Variants in SNX30 observed in about 807,000 individuals in gnomAD.
SNX30 encodes the protein sorting nexin family member 30.
In SNX30, 24 loss-of-function variants were observed where a neutral mutation model predicts 46.4. The ratio of observed to expected loss-of-function variants is 0.52; its 90% confidence interval spans 0.37 to 0.73. SNX30 has a LOEUF of 0.73. SNX30 is among the 30% of genes least tolerant of loss of function. SNX30 has a pLI of 0.00. For missense variants in SNX30, 533 were observed against 555.7 expected, an observed-to-expected ratio of 0.96 and a Z score of 0.41; for synonymous variants, 189 against 211.5, an observed-to-expected ratio of 0.89 and a Z score of 0.92.
In SNX30 at chr9:112,833,740, G is replaced by A. The variant is rs530508700; in HGVS notation, c.619-2474G>A. Among the ~76,000 whole-genome samples the A allele has an allele frequency of 9.8e-5, 15 of 152,310 alleles. No homozygotes were observed. In the South Asian group the frequency reaches 1.7e-3, roughly 17 times the overall value. ...AGCCCATTTGACTCTAGTCCCACTC[G>A]TAAAAACGCTGTCTGCAGAGGTAAT... On this transcript the variant is annotated intron_variant, in intron 4 of 8. Transcript: ENST00000374232.
At chr9:112,835,458 A>G (rs1157188143) in intron 4 of SNX30, among the ~76,000 whole-genome samples, 8 of 149,816 alleles carry the variant, frequency 5.3e-5, no homozygotes, top group Admixed American at 5.3e-4. Context: ...GGTGCATGCC[A>G]CCATGCCCAA....
intron 8 of SNX30, among the ~76,000 whole-genome samples, chr9:112,865,655 AT>A (rs1841318867): frequency 1.1e-5 from 1 of 89,426 alleles, no homozygotes; most frequent in Admixed American, 1.0e-4. Flanking sequence ...ATATATATAT[AT>A]ATATATGTAT....
intron 1 of SNX30, among the ~76,000 whole-genome samples, chr9:112,770,111 G>A (rs1839621722): frequency 6.6e-6 from 1 of 152,040 alleles, no homozygotes; most frequent in Admixed American, 6.6e-5. Flanking sequence ...CAACCGGAGG[G>A]ATTATTTAAA....
chr9:112,809,765 G>T (rs1440042780), intron 2 of SNX30, among the ~76,000 whole-genome samples: 3 of 152,122 alleles, frequency 2.0e-5, no homozygotes, highest in African/African-American at 7.2e-5. Context: ...GTGGGTTAGA[G>T]TGAGCGAGGG....
At chr9:112,849,462 C>G (rs940198845) in intron 6 of SNX30, among the ~76,000 whole-genome samples, 1 of 152,166 alleles carries the variant, frequency 6.6e-6, no homozygotes, top group Non-Finnish European at 1.5e-5. Context: ...TAAAACGTTT[C>G]CATTATAGCA....
At chr9:112,859,834 A>G (rs1246555232) in intron 7 of SNX30, among the ~76,000 whole-genome samples, 2 of 151,718 alleles carry the variant, frequency 1.3e-5, no homozygotes, top group East Asian at 3.9e-4. Flanking sequence ...ATTTTTTTTA[A>G]TAGTAGCCAT....
At chr9:112,811,933 A>G (rs1840326589) in intron 2 of SNX30, among the ~76,000 whole-genome samples, 1 of 152,234 alleles carries the variant, frequency 6.6e-6, no homozygotes, top group Non-Finnish European at 1.5e-5. Flanking sequence ...AAAATTTACT[A>G]CAAACTTATC....
chr9:112,830,866 A>G lies in SNX30; in HGVS notation c.601A>G (p.Ile201Val). ...PVLSFNEHFN[I>V]FLTAKDLNAY... ...GCTGTCTTTCAATGAACACTTTAAT[A>G]TTTTCCTTACTGCTAAGGTAAGGGC... Residue 201 changes from isoleucine to valine, a missense_variant, in exon 4 of 9, where the codon ATT (isoleucine) becomes GTT (valine). By Grantham distance (29) the Ile-to-Val change is conservative. Transcript: ENST00000374232. 1 of 1,611,232 alleles carries G rather than the reference A, an allele frequency of 6.2e-7. No individual in the cohort carries two copies. Among genetic ancestry groups the G allele is most frequent in the South Asian group, 1.1e-5 (1 of 90,390 alleles).
chr9:112,807,775 G>A lies in SNX30; in HGVS notation c.348+2808G>A, dbSNP rs547017245. ...CATTAACTGATTGAGAGGCTAACGC[G>A]CAACTGCAACTCACCAGTCTTTCCT... On this transcript the variant is annotated intron_variant, in intron 2 of 8. Coordinates refer to ENST00000374232, the MANE Select transcript of SNX30 (RefSeq NM_001012994.2). Among the ~76,000 whole-genome samples, 43 of 152,244 alleles carry A rather than the reference G, an allele frequency of 2.8e-4. No individual in the cohort carries two copies. In the South Asian group the frequency reaches 7.9e-3, roughly 28 times the overall value.
chr9:112,782,441 G>A (rs906051336), intron 1 of SNX30, among the ~76,000 whole-genome samples: 3 of 152,304 alleles, frequency 2.0e-5, no homozygotes, highest in African/African-American at 4.8e-5. Context: ...TACAACAGCT[G>A]ACTTGAGTTG....
rs111658028 is a variant in SNX30 at position 112,838,523 on chromosome 9, C to T, written c.840C>T (p.Tyr280=). 8.7e-6 allele frequency: 14 copies of T among 1,612,830 alleles called. No individual in the cohort carries two copies. Among genetic ancestry groups the T allele is most frequent in the South Asian group, 4.4e-5 (4 of 90,952 alleles). ...AGTACCTTGTGGAGCTGAGAGAATA[C>T]GGGCCTGTGTACTCCACATGGAGCG... is the stretch of plus-strand genomic sequence containing the variant. ...EIEYLVELRE[Y]GPVYSTWSAL... Residue 280 remains tyrosine (Y), a synonymous_variant, in exon 6 of 9, where the codon TAC becomes TAT. Transcript: ENST00000374232.
intron 7 of SNX30, among the ~76,000 whole-genome samples, chr9:112,863,290 C>A (rs1228993714): frequency 2.0e-5 from 3 of 152,222 alleles, no homozygotes; most frequent in Admixed American, 1.3e-4. Context: ...ACATAAAAGG[C>A]CTCACTTGTG....
At chr9:112,884,202 C>T (rs1841618076), downstream of SNX30, among the ~76,000 whole-genome samples, 1 of 152,210 alleles carries the variant, frequency 6.6e-6, no homozygotes, top group Non-Finnish European at 1.5e-5. Flanking sequence ...GCCACAGCCC[C>T]CTGGGATTGC....
chr9:112,865,635 A>G (rs1564297095), intron 8 of SNX30, among the ~76,000 whole-genome samples: 5 of 80,166 alleles, frequency 6.2e-5, no homozygotes, highest in Non-Finnish European at 1.4e-4. Context: ...ATATATATAT[A>G]TATATATATA....
chr9:112,822,623 T>C (rs768402151), intron 3 of SNX30, among the ~76,000 whole-genome samples: 2 of 151,818 alleles, frequency 1.3e-5, no homozygotes, highest in African/African-American at 2.4e-5. Context: ...TCTCGTCTTA[T>C]CACATTTTAC....
intron 2 of SNX30, among the ~76,000 whole-genome samples, chr9:112,810,001 G>A (rs1840294435): frequency 6.6e-6 from 1 of 152,150 alleles, no homozygotes; most frequent in Non-Finnish European, 1.5e-5. Context: ...GGAAGGCGGA[G>A]GAAGCTAGAA....
At chr9:112,860,566 C>A (rs1841209607) in intron 7 of SNX30, among the ~76,000 whole-genome samples, 1 of 152,200 alleles carries the variant, frequency 6.6e-6, no homozygotes, top group Admixed American at 6.5e-5. Context: ...AGTTCTGTCT[C>A]CACCAGGTTG....
intron 1 of SNX30, among the ~76,000 whole-genome samples, chr9:112,779,829 T>C (rs1165754124): frequency 6.6e-6 from 1 of 152,200 alleles, no homozygotes; most frequent in East Asian, 1.9e-4. Flanking sequence ...CTCTCATTCA[T>C]ACTGTACGAG....
intron 1 of SNX30, among the ~76,000 whole-genome samples, chr9:112,770,720 G>A (rs113728776): frequency 4.6e-5 from 7 of 152,128 alleles, no homozygotes; most frequent in African/African-American, 9.6e-5. Flanking sequence ...GCCCCTGGCC[G>A]GGCGCGGTGG....
Sources: allele counts gnomAD v4.1 joint callset (sites outside exome capture counted in the v4.1 genomes callset), GRCh38; gene constraint gnomAD v4.1.1; transcripts MANE v1.5; gene names NCBI Gene and HGNC (gene_info 2026-07-23, HGNC 2026-07-21).